Variants in TP63 observed in about 807,000 individuals in gnomAD.
TP63 encodes the protein tumor protein p63, also known as tumor protein 63.
Under a neutral mutation model 82.8 loss-of-function variants are expected in TP63, and 17 were observed. The ratio of observed to expected loss-of-function variants is 0.21; its 90% CI spans 0.14 to 0.31. TP63 has a LOEUF of 0.31. Among genes scored for constraint, TP63 ranks in the 10% least tolerant of loss-of-function variants. The pLI, the probability that TP63 is intolerant of heterozygous loss-of-function variation, is 1.00. For synonymous variants in TP63, 330 were observed against 321.7 expected (o/e 1.03, Z -0.28); for missense variants, 648 against 895.3 (o/e 0.72, Z 3.52).
At chr3:189,690,583 T>C (rs1209244490) in intron 1 of TP63, among the ~76,000 whole-genome samples, 1 of 152,226 alleles carries the variant, frequency 6.6e-6, no homozygotes, top group Non-Finnish European at 1.5e-5. Flanking sequence ...TAGACACATT[T>C]ATTTGAATTG....
chr3:189,825,070 G>A (rs944597260), intron 4 of TP63, among the ~76,000 whole-genome samples: 1 of 152,180 alleles, frequency 6.6e-6, no homozygotes, highest in African/African-American at 2.4e-5. Flanking sequence ...AGGTAAAATG[G>A]TGTGTTTGGG....
intron 10 of TP63, among the ~76,000 whole-genome samples, chr3:189,878,055 C>T (rs1450496262): frequency 2.0e-5 from 3 of 151,954 alleles, no homozygotes; most frequent in Non-Finnish European, 2.9e-5. Context: ...GGTATTTATT[C>T]TTGTAGGTTC....
At chr3:189,810,313 G>A (rs1415318785) in intron 4 of TP63, among the ~76,000 whole-genome samples, 1 of 152,066 alleles carries the variant, frequency 6.6e-6, no homozygotes, top group African/African-American at 2.4e-5. Flanking sequence ...ATATCTCTTA[G>A]GTCACCAACC....
chr3:189,693,557 A>T (rs770010027), intron 1 of TP63, among the ~76,000 whole-genome samples: 2 of 152,234 alleles, frequency 1.3e-5, no homozygotes, highest in Admixed American at 6.5e-5. Flanking sequence ...AGTGCTTCGT[A>T]TACTAAAAAA....
intron 1 of TP63, among the ~76,000 whole-genome samples, chr3:189,730,836 T>C (rs1413786146): frequency 6.6e-6 from 1 of 152,236 alleles, no homozygotes; most frequent in African/African-American, 2.4e-5. Flanking sequence ...AATGAGCTTC[T>C]GGTCTGCATC....
At position 189,864,340 on chromosome 3, in the gene TP63, G is replaced by C. The variant is rs201466089; in HGVS notation, c.688G>C (p.Val230Leu). The part of the protein sequence containing the change: ...PQGAVIRAMP[V>L]YKKAEHVTEV... ...GGGAGCTGTTATCCGCGCCATGCCT[G>C]TCTACAAAAAAGCTGAGCACGTCAC... is the stretch of plus-strand genomic sequence containing the variant. The change falls in exon 5 of 14, where the codon GTC (valine) becomes CTC (leucine). Residue 230 changes from valine to leucine, a missense_variant. By Grantham distance (32) the Val-to-Leu change is conservative. Transcript: ENST00000264731. 4.0e-5 allele frequency: 65 copies of C among 1,613,984 alleles called. No individual in the cohort carries two copies. The highest frequency in any genetic ancestry group is 1.7e-5 in the Admixed American group (1 of 59,994).
intron 1 of TP63, among the ~76,000 whole-genome samples, chr3:189,658,211 T>C (rs1713558791): frequency 6.6e-6 from 1 of 152,076 alleles, no homozygotes; most frequent in African/African-American, 2.4e-5. Context: ...AATAAAGTAG[T>C]ATTGGGTTGT....
chr3:189,622,297 CTG>C, the TP63 span, among the ~76,000 whole-genome samples: 129 of 152,278 alleles, frequency 8.5e-4, no homozygotes, highest in Middle Eastern at 3.4e-3. Flanking sequence ...ACGTAGGACT[CTG>C]AGATTTTTGA....
At chr3:189,833,559 C>T (rs1188692815) in intron 4 of TP63, among the ~76,000 whole-genome samples, 1 of 152,224 alleles carries the variant, frequency 6.6e-6, no homozygotes, top group Non-Finnish European at 1.5e-5. Context: ...ACCTACCAAT[C>T]TGTCCACGTT....
At chr3:189,708,957 G>T (rs1258720520) in intron 1 of TP63, among the ~76,000 whole-genome samples, 1 of 152,058 alleles carries the variant, frequency 6.6e-6, no homozygotes, top group Non-Finnish European at 1.5e-5. Flanking sequence ...TTTTTTCACA[G>T]TTTCCACCAA....
chr3:189,689,098 CTTTTTCTT>C (rs1177134057), intron 1 of TP63, among the ~76,000 whole-genome samples: 7,192 of 83,750 alleles, frequency 0.086, 1,421 homozygotes, highest in East Asian at 0.19. Flanking sequence ...TCAAATCTAC[CTTTTTCTT>C]TTTTTTTTTT....
chr3:189,770,230 T>A (rs1723237618), intron 3 of TP63, among the ~76,000 whole-genome samples: 1 of 152,218 alleles, frequency 6.6e-6, no homozygotes, highest in Admixed American at 6.5e-5. Context: ...ACCATCCTTG[T>A]TAGAATTTTT....
chr3:189,834,691 A>G (rs1456461270), intron 4 of TP63, among the ~76,000 whole-genome samples: 1 of 152,218 alleles, frequency 6.6e-6, no homozygotes, highest in African/African-American at 2.4e-5. Context: ...GATTAAGACC[A>G]TAAACCAAGT....
chr3:189,754,362 AT>A (rs1349325079), intron 3 of TP63, among the ~76,000 whole-genome samples: 2 of 152,170 alleles, frequency 1.3e-5, no homozygotes, highest in African/African-American at 4.8e-5. Flanking sequence ...AACAAATTAT[AT>A]TTTCTATATA....
At chr3:189,836,051 T>C (rs2108725771) in intron 4 of TP63, among the ~76,000 whole-genome samples, 1 of 152,126 alleles carries the variant, frequency 6.6e-6, no homozygotes, top group South Asian at 2.1e-4. Context: ...GCTCAGAGTG[T>C]CTATTCCTTT....
intron 1 of TP63, among the ~76,000 whole-genome samples, chr3:189,722,047 T>A (rs1005878533): frequency 7.2e-5 from 11 of 152,208 alleles, no homozygotes; most frequent in African/African-American, 2.6e-4. Context: ...TTACTGAGGA[T>A]GAATTAGGTC....
At chr3:189,635,391 G>A (rs528118482) in intron 1 of TP63, among the ~76,000 whole-genome samples, 1 of 152,218 alleles carries the variant, frequency 6.6e-6, no homozygotes, top group East Asian at 1.9e-4. Context: ...GCAGCTCTGT[G>A]TTGGGCGTCC....
intron 11 of TP63, among the ~76,000 whole-genome samples, chr3:189,888,688 T>C (rs1179291509): frequency 6.6e-6 from 1 of 152,238 alleles, no homozygotes; most frequent in Non-Finnish European, 1.5e-5. Context: ...CAGTGAGTGT[T>C]TACACTTAAT....
chr3:189,875,276 A>C (rs1718909313), intron 10 of TP63, among the ~76,000 whole-genome samples: 2 of 151,716 alleles, frequency 1.3e-5, no homozygotes. Flanking sequence ...TCCCCCTATT[A>C]AAAACTGTAG....
Sources: allele counts gnomAD v4.1 joint callset (sites outside exome capture counted in the v4.1 genomes callset), GRCh38; gene constraint gnomAD v4.1.1; transcripts MANE v1.5; gene names NCBI Gene and HGNC (gene_info 2026-07-23, HGNC 2026-07-21).